The following C9 variants were observed in gnomAD, a reference collection of about 807,000 sequenced individuals.
The protein encoded by C9 is complement component C9.
In C9, 63 loss-of-function variants were observed where a neutral mutation model predicts 65.4. The ratio of observed to expected loss-of-function variants is 0.96; its 90% CI spans 0.79 to 1.19. The LOEUF is 1.19. Ranked by LOEUF, C9 falls within the 50% of genes most tolerant of loss-of-function variation. The pLI is 0.00. For missense variants in C9, 744 were observed against 670.1 expected (o/e 1.11, Z -1.22); for synonymous variants, 229 against 227.9 (o/e 1.00, Z -0.04).
chr5:39,339,647 CTCTCTT>C (rs1754034478), intron 4 of C9, among the ~76,000 whole-genome samples: 2 of 122,966 alleles, frequency 1.6e-5, no homozygotes, highest in Non-Finnish European at 3.3e-5. Context: ...ACTGTCTTTT[CTCTCTT>C]TTTTTTTTTT....
intron 1 of C9, among the ~76,000 whole-genome samples, chr5:39,348,237 T>C (rs1754246959): frequency 2.0e-5 from 3 of 152,062 alleles, no homozygotes; most frequent in Non-Finnish European, 2.9e-5. Flanking sequence ...ACAGGCAACC[T>C]ACAGAATGGG....
intron 1 of C9, among the ~76,000 whole-genome samples, chr5:39,355,729 A>T (rs950435920): frequency 6.6e-6 from 1 of 152,028 alleles, no homozygotes. Flanking sequence ...ACAGAAATTT[A>T]TTTTTTTGCA....
chr5:39,359,102 G>GTA (rs1157807681), intron 1 of C9, among the ~76,000 whole-genome samples: 1,068 of 103,646 alleles, frequency 0.01, 21 homozygotes, highest in African/African-American at 0.027. Context: ...GTGTGTGTGT[G>GTA]TATATATATA....
intron 1 of C9, 38 bp from the exon 2 acceptor site, chr5:39,342,234 G>T: frequency 9.4e-7 from 1 of 1,064,506 alleles, no homozygotes; most frequent in Non-Finnish European, 1.5e-6. Flanking sequence ...AATGACCATT[G>T]TGTATATCTG....
At chr5:39,331,384 C>T (rs1753837130) in intron 5 of C9, among the ~76,000 whole-genome samples, 1 of 152,170 alleles carries the variant, frequency 6.6e-6, no homozygotes, top group South Asian at 2.1e-4. Flanking sequence ...AGTGTTATCA[C>T]TACTTAAATC....
At chr5:39,299,594 G>A (rs1561334091) in intron 9 of C9, among the ~76,000 whole-genome samples, 1 of 152,082 alleles carries the variant, frequency 6.6e-6, no homozygotes. Context: ...AGTGAAAGAA[G>A]CCAAATTCAA....
At chr5:39,325,177 T>C (rs188853814) in intron 5 of C9, among the ~76,000 whole-genome samples, 1 of 152,308 alleles carries the variant, frequency 6.6e-6, no homozygotes, top group East Asian at 1.9e-4. Flanking sequence ...TAGTTATTAT[T>C]ATCAAAGCCA....
chr5:39,346,653 CCTCCCTAACT>C (rs1420134553), intron 1 of C9, among the ~76,000 whole-genome samples: 4 of 152,208 alleles, frequency 2.6e-5, no homozygotes, highest in Non-Finnish European at 4.4e-5. Flanking sequence ...AAGAGGGAAT[CCTCCCTAACT>C]CATTTTATGA....
At chr5:39,314,692 C>CT (rs1753542190) in intron 6 of C9, among the ~76,000 whole-genome samples, 1 of 152,066 alleles carries the variant, frequency 6.6e-6, no homozygotes, top group African/African-American at 2.4e-5. Flanking sequence ...AATCTGAAAT[C>CT]TTACTCTTTG....
chr5:39,321,469 TTATC>T (rs1190402861), intron 5 of C9, among the ~76,000 whole-genome samples: 4 of 151,494 alleles, frequency 2.6e-5, no homozygotes, highest in Non-Finnish European at 5.9e-5. Flanking sequence ...GTACAGAAAA[TTATC>T]TAATCACAAA....
At chr5:39,288,290 A>C (rs954962113) in intron 10 of C9, among the ~76,000 whole-genome samples, 1 of 151,758 alleles carries the variant, frequency 6.6e-6, no homozygotes, top group Admixed American at 6.6e-5. Flanking sequence ...GTACAAAGTA[A>C]TTAATTGGAT....
chr5:39,300,303 T>A (rs554493884), intron 9 of C9, among the ~76,000 whole-genome samples: 3 of 152,190 alleles, frequency 2.0e-5, no homozygotes, highest in South Asian at 4.1e-4. Context: ...TTCCAGCTAC[T>A]TGAGAGGCTG....
At chr5:39,334,552 G>A (rs56258022) in intron 4 of C9, among the ~76,000 whole-genome samples, 2,021 of 145,076 alleles carry the variant, frequency 0.014, 37 homozygotes, top group Admixed American at 0.021. Context: ...CAGCCGCCCC[G>A]TCCGGGAGGG....
At chr5:39,327,498 G>T (rs1225868460) in intron 5 of C9, among the ~76,000 whole-genome samples, 1 of 152,150 alleles carries the variant, frequency 6.6e-6, no homozygotes, top group Non-Finnish European at 1.5e-5. Context: ...AGTCTGTAAA[G>T]AATGTCTTAA....
intron 1 of C9, 151 bp from the exon 2 acceptor site, chr5:39,342,347 A>G: frequency 1.7e-6 from 1 of 597,850 alleles, no homozygotes; most frequent in Non-Finnish European, 3.0e-6. Flanking sequence ...CCTCAATTGC[A>G]TGCTGTTTTG....
intron 1 of C9, among the ~76,000 whole-genome samples, chr5:39,353,627 T>A (rs1271707756): frequency 6.6e-6 from 1 of 152,252 alleles, no homozygotes; most frequent in African/African-American, 2.4e-5. Context: ...TCATATTTCA[T>A]TGAATTAATT....
chr5:39,295,707 A>G (rs1017477752), intron 9 of C9, among the ~76,000 whole-genome samples: 1 of 151,762 alleles, frequency 6.6e-6, no homozygotes, highest in Non-Finnish European at 1.5e-5. Flanking sequence ...GACCTCAAAT[A>G]GCCAAAGCAA....
chr5:39,311,980 C>G (rs1001109731), intron 6 of C9, among the ~76,000 whole-genome samples: 1 of 151,998 alleles, frequency 6.6e-6, no homozygotes, highest in Admixed American at 6.6e-5. Context: ...CTAGACTAGG[C>G]AAAACTAAGC....
At chr5:39,288,984 C>T in intron 9 of C9, 33 bp from the exon 10 acceptor site, 1 of 1,171,344 alleles carries the variant, frequency 8.5e-7, no homozygotes. Flanking sequence ...ATTTTAGGTC[C>T]TTTTTAACTG....
Sources: allele counts gnomAD v4.1 joint callset (sites outside exome capture counted in the v4.1 genomes callset), GRCh38; gene constraint gnomAD v4.1.1; transcripts MANE v1.5; gene names NCBI Gene and HGNC (gene_info 2026-07-23, HGNC 2026-07-21).